The following TLE4 variants were observed in gnomAD, a reference collection of about 807,000 sequenced individuals.
The protein encoded by TLE4 is transducin-like enhancer protein 4.
Under a neutral mutation model 92.8 loss-of-function variants are expected in TLE4, and 8 were observed. The ratio of observed to expected loss-of-function variants is 0.09; its 90% CI spans 0.05 to 0.16. The LOEUF is 0.16. Among genes scored for constraint, TLE4 ranks in the 10% least tolerant of loss-of-function variants. TLE4 has a pLI of 1.00. For synonymous variants in TLE4, 371 were observed against 374.1 expected (o/e 0.99, Z 0.10); for missense variants, 675 against 997.6 (o/e 0.68, Z 4.36).
rs117710473 is a variant in TLE4 at position 79,658,096 on chromosome 9, G to C, written c.609+4021G>C. On this transcript the variant is annotated intron_variant, in intron 8 of 19. Coordinates refer to ENST00000376552, the MANE Select transcript of TLE4 (RefSeq NM_007005.6). ...TGTTTTTATTTTTGTTATTTCATTG[G>C]AATGTCTTCAAGCCCAGAGTGCTGG... is the stretch of plus-strand genomic sequence containing the variant. Among the ~76,000 whole-genome samples the C allele has an allele frequency of 1.2e-4, 19 of 152,136 alleles. No individual in the cohort carries two copies. In the East Asian group the frequency reaches 3.5e-3, roughly 28 times the overall value.
rs558160202 is a variant in TLE4, at chr9:79,608,187, A to G, written c.253-4469A>G. On this transcript the variant is annotated intron_variant, in intron 4 of 19. Coordinates refer to ENST00000376552, the MANE Select transcript of TLE4 (RefSeq NM_007005.6). ...TGTAAAATTGATTTTTGATAAGGTA[A>G]AAATGGAGTTGTCAGTTTAGAGAAA... Among the ~76,000 whole-genome samples the G allele has an allele frequency of 1.5e-3, 233 of 152,178 alleles. 1 individual carries two copies. The highest frequency in any genetic ancestry group is 5.4e-3 in the African/African-American group (224 of 41,544).
chr9:79,701,828 T>G (rs966862386), intron 8 of TLE4, among the ~76,000 whole-genome samples: 5 of 152,162 alleles, frequency 3.3e-5, no homozygotes, highest in African/African-American at 9.7e-5. Flanking sequence ...TCTGGGCAGT[T>G]CCCTTCTGCT....
chr9:79,722,192 G>A (rs2075763783), intron 17 of TLE4, among the ~76,000 whole-genome samples: 2 of 151,984 alleles, frequency 1.3e-5, no homozygotes, highest in Admixed American at 1.3e-4. Flanking sequence ...AAATGATACG[G>A]TTTTATGAAA....
intron 6 of TLE4, among the ~76,000 whole-genome samples, chr9:79,633,999 C>T (rs1025710454): frequency 1.3e-5 from 2 of 152,062 alleles, no homozygotes; most frequent in African/African-American, 4.8e-5. Context: ...ATCCTTCTAC[C>T]CCAAAATGCA....
At chr9:79,606,215 T>G (rs2046892009) in intron 4 of TLE4, among the ~76,000 whole-genome samples, 1 of 115,292 alleles carries the variant, frequency 8.7e-6, no homozygotes, top group Non-Finnish European at 1.7e-5. Context: ...TTTTTTTTTT[T>G]TTTTTTTTTT....
At chr9:79,605,887 C>T (rs1295151392) in intron 4 of TLE4, among the ~76,000 whole-genome samples, 1 of 152,080 alleles carries the variant, frequency 6.6e-6, no homozygotes, top group Non-Finnish European at 1.5e-5. Context: ...CTTGTGGTAT[C>T]ATCATTAGTA....
intron 19 of TLE4, 40 bp downstream of exon 19, chr9:79,723,075 A>G: frequency 1.3e-6 from 2 of 1,572,968 alleles, no homozygotes; most frequent in Non-Finnish European, 1.7e-6. Context: ...TGTTTGTTTA[A>G]TCAAACTCTC....
chr9:79,696,144 A>G (rs571326235), intron 8 of TLE4, among the ~76,000 whole-genome samples: 1 of 152,334 alleles, frequency 6.6e-6, no homozygotes, highest in African/African-American at 2.4e-5. Context: ...TTGAACAGTT[A>G]GTACTAAAAA....
chr9:79,628,770 T>C (rs2053364932), intron 6 of TLE4, among the ~76,000 whole-genome samples: 1 of 152,104 alleles, frequency 6.6e-6, no homozygotes, highest in Non-Finnish European at 1.5e-5. Flanking sequence ...GGACGGATAG[T>C]AGAGACGAAT....
At chr9:79,615,879 C>A (rs1477290070) in intron 5 of TLE4, among the ~76,000 whole-genome samples, 2 of 152,146 alleles carry the variant, frequency 1.3e-5, no homozygotes, top group Non-Finnish European at 2.9e-5. Context: ...TCCAGCGTTA[C>A]AGGCATTTGA....
At chr9:79,697,267 C>T (rs2068516737) in intron 8 of TLE4, among the ~76,000 whole-genome samples, 1 of 152,138 alleles carries the variant, frequency 6.6e-6, no homozygotes. Context: ...ACGATGAACA[C>T]AATACAAAGT....
chr9:79,706,000 G>A, intron 10 of TLE4, 58 bp downstream of exon 10: 2 of 1,486,412 alleles, frequency 1.3e-6, no homozygotes, highest in African/African-American at 2.8e-5. Flanking sequence ...AAGACTAGTT[G>A]CCCAAACAAT....
chr9:79,708,180 C>T lies in TLE4; in HGVS notation c.999C>T (p.Pro333=), dbSNP rs2072219506. The change falls in exon 12 of 20, where the codon CCC becomes CCT. Residue 333 remains proline, a synonymous_variant. Transcript: ENST00000376552. ...SNTPTPRTDA[P]TPGSNSTPGL... is the part of the protein sequence containing the mutation. ...CCCCTACTCCACGAACTGATGCGCC[C>T]ACCCCAGGCAGTAACTCTACTCCCG... 1.2e-6 allele frequency: 2 copies of T among 1,614,066 alleles called. No homozygotes were observed. The highest frequency in any genetic ancestry group is 2.2e-5 in the East Asian group (1 of 44,892).
chr9:79,596,662 C>T (rs1255287232), intron 4 of TLE4, among the ~76,000 whole-genome samples: 1 of 152,156 alleles, frequency 6.6e-6, no homozygotes, highest in African/African-American at 2.4e-5. Flanking sequence ...TGAATCGATA[C>T]CTAACAATAC....
chr9:79,709,155 A>G (rs2072567676), intron 13 of TLE4, among the ~76,000 whole-genome samples: 3 of 152,166 alleles, frequency 2.0e-5, no homozygotes, highest in African/African-American at 7.2e-5. Flanking sequence ...AATGTAATTT[A>G]TATAATCTAA....
At chr9:79,661,930 C>A (rs906842112) in intron 8 of TLE4, among the ~76,000 whole-genome samples, 12 of 152,090 alleles carry the variant, frequency 7.9e-5, no homozygotes, top group African/African-American at 2.9e-4. Context: ...CCTCCCAACC[C>A]CTGGGTTCAG....
At chr9:79,589,764 A>G (rs560085416) in intron 4 of TLE4, among the ~76,000 whole-genome samples, 4 of 152,152 alleles carry the variant, frequency 2.6e-5, no homozygotes, top group Non-Finnish European at 5.9e-5. Context: ...ACCAAGATGT[A>G]TATGATAGAC....
At chr9:79,719,998 G>GTTTTCCTT in intron 15 of TLE4, 48 bp from the exon 16 acceptor site, 1 of 1,560,666 alleles carries the variant, frequency 6.4e-7, no homozygotes, top group Non-Finnish European at 8.7e-7. Flanking sequence ...TGTTAATGCT[G>GTTTTCCTT]TTTTCCTTTC....
At chr9:79,709,497 A>G (rs1423218330) in intron 13 of TLE4, 126 bp from the exon 14 acceptor site, 3 of 714,006 alleles carry the variant, frequency 4.2e-6, no homozygotes, top group Admixed American at 2.7e-5. Context: ...ATACTTCTGT[A>G]TATATCTCTA....
Sources: allele counts gnomAD v4.1 joint callset (sites outside exome capture counted in the v4.1 genomes callset), GRCh38; gene constraint gnomAD v4.1.1; transcripts MANE v1.5; gene names NCBI Gene and HGNC (gene_info 2026-07-23, HGNC 2026-07-21).